Variants in TUBB6 observed in about 807,000 individuals in gnomAD.
TUBB6 encodes the protein tubulin beta-6 chain.
Under a neutral mutation model 32.3 loss-of-function variants are expected in TUBB6, and 18 were observed. That is an observed-to-expected ratio of 0.56 (90% confidence interval 0.39 to 0.83). The LOEUF is 0.83. TUBB6 is among the 40% of genes least tolerant of loss of function. The pLI is 0.00. For missense variants in TUBB6, 480 were observed against 632.0 expected (o/e 0.76, Z 2.58); for synonymous variants, 280 against 265.8 (o/e 1.05, Z -0.52).
chr18:12,321,477 G>A (rs993178968), intron 3 of TUBB6, among the ~76,000 whole-genome samples: 1 of 152,204 alleles, frequency 6.6e-6, no homozygotes, highest in Admixed American at 6.5e-5. Flanking sequence ...ATTAAAGATT[G>A]ACAAGTGAAA....
At chr18:12,323,740 G>A (rs913146810) in intron 3 of TUBB6, among the ~76,000 whole-genome samples, 7 of 152,002 alleles carry the variant, frequency 4.6e-5, no homozygotes, top group Non-Finnish European at 4.4e-5. Flanking sequence ...CCCGGGAGGC[G>A]GAGCTTGCAG....
rs1169571654 is a variant in TUBB6 at position 12,308,365 on chromosome 18, T to G, written c.57+16T>G. 7.0e-7 allele frequency: 1 copy of G among 1,423,040 alleles called. No homozygotes were observed. Among genetic ancestry groups the G allele is most frequent in the Non-Finnish European group, 9.2e-7 (1 of 1,085,934 alleles). 88.2% of individuals were successfully genotyped at this position (1,423,040 alleles called of 1,614,324 possible). A position where few individuals can be genotyped will look rare whatever the true frequency, so the allele number is the denominator to read the frequency against. ...CGGCACCAAGGTGGGCCTGGCGCGG[T>G]GCAGGGCCTCTCCGCGGGTCGGCTG... On this transcript the variant is annotated intron_variant, in intron 1 of 3. Transcript: ENST00000317702.
chr18:12,309,886 A>G (rs1906265704), intron 2 of TUBB6, among the ~76,000 whole-genome samples: 1 of 152,240 alleles, frequency 6.6e-6, no homozygotes, highest in African/African-American at 2.4e-5. Context: ...GCTCCGGGTA[A>G]CAAGGTTCTC....
chr18:12,319,686 G>A (rs1263889698), intron 3 of TUBB6, among the ~76,000 whole-genome samples: 5 of 152,120 alleles, frequency 3.3e-5, no homozygotes, highest in East Asian at 1.9e-4. Context: ...GGGCTCAGGC[G>A]TTCACACCTG....
intron 3 of TUBB6, among the ~76,000 whole-genome samples, chr18:12,319,388 T>A (rs12959674): frequency 0.79 from 119,893 of 151,826 alleles, 48,579 homozygotes; most frequent in Non-Finnish European, 0.88. Flanking sequence ...CAGGTGATCC[T>A]CCTGTCTCGG....
At position 12,325,057 on chromosome 18, in the gene TUBB6, T is replaced by C. The variant is rs1907200468; in HGVS notation, c.278-10T>C. ...CCTGTTTAAACGGCACGGGACTCTC[T>C]TTGTTGCAGGCCAGACGGGTGCAGG... On this transcript the variant is annotated splice_polypyrimidine_tract_variant and intron_variant, in intron 3 of 3. Coordinates refer to ENST00000317702, the MANE Select transcript of TUBB6 (RefSeq NM_032525.3). 1 of 1,557,764 alleles carries C rather than the reference T, an allele frequency of 6.4e-7. No individual in the cohort carries two copies. The highest frequency in any genetic ancestry group is 1.8e-5 in the Admixed American group (1 of 55,330).
chr18:12,308,385 C>A, intron 1 of TUBB6, 36 bp downstream of exon 1: 7 of 1,333,368 alleles, frequency 5.2e-6, no homozygotes, highest in Non-Finnish European at 5.8e-6. Flanking sequence ...CTCCGCGGGT[C>A]GGCTGCTGGC....
chr18:12,324,884 T>C, intron 3 of TUBB6, 183 bp from the exon 4 acceptor site: 1 of 1,413,566 alleles, frequency 7.1e-7, no homozygotes, highest in East Asian at 2.5e-5. Flanking sequence ...CTACTTTGAC[T>C]TGCCTAAAAA....
At chr18:12,322,537 TAG>T (rs1907044590) in intron 3 of TUBB6, among the ~76,000 whole-genome samples, 1 of 152,048 alleles carries the variant, frequency 6.6e-6, no homozygotes. Context: ...GTATTTTTAG[TAG>T]AGATGGGGTT....
intron 3 of TUBB6, among the ~76,000 whole-genome samples, chr18:12,313,531 A>T (rs1054501858): frequency 3.3e-5 from 5 of 152,252 alleles, no homozygotes; most frequent in African/African-American, 4.8e-5. Flanking sequence ...GAACAGATGA[A>T]TCACATTAAA....
chr18:12,310,447 C>T (rs1906308702), intron 2 of TUBB6, among the ~76,000 whole-genome samples: 2 of 147,896 alleles, frequency 1.4e-5, no homozygotes, highest in South Asian at 4.3e-4. Flanking sequence ...GCCGAGATCA[C>T]ACCACTGCAT....
intron 3 of TUBB6, among the ~76,000 whole-genome samples, chr18:12,313,146 T>C (rs1906484308): frequency 1.9e-5 from 1 of 53,506 alleles, no homozygotes; most frequent in Non-Finnish European, 6.8e-5. Flanking sequence ...CACTCCCTGG[T>C]GAAACAGAAG....
intron 3 of TUBB6, among the ~76,000 whole-genome samples, chr18:12,311,521 C>T (rs970455478): frequency 2.0e-5 from 3 of 152,042 alleles, no homozygotes; most frequent in Non-Finnish European, 2.9e-5. Context: ...CGCTGGAACC[C>T]GGGAGGTAGA....
downstream of TUBB6, chr18:12,329,679 C>A: frequency 1.2e-6 from 2 of 1,614,148 alleles, no homozygotes; most frequent in Non-Finnish European, 1.7e-6. Context: ...CAGTGCCTTC[C>A]ACAAATTCTT....
At chr18:12,313,802 T>G (rs1698569219) in intron 3 of TUBB6, among the ~76,000 whole-genome samples, 1 of 152,200 alleles carries the variant, frequency 6.6e-6, no homozygotes, top group Admixed American at 6.5e-5. Flanking sequence ...AGGAATCTGT[T>G]CTGCAGAAAT....
downstream of TUBB6, chr18:12,326,625 A>C (rs1907347979): frequency 6.2e-6 from 1 of 161,928 alleles, no homozygotes; most frequent in Admixed American, 5.7e-5. Flanking sequence ...TACAATGGCT[A>C]CTTGGGTCAC....
At chr18:12,308,614 G>T in intron 1 of TUBB6, 73 bp from the exon 2 acceptor site, 1 of 1,176,520 alleles carries the variant, frequency 8.5e-7, no homozygotes, top group Non-Finnish European at 1.2e-6. Flanking sequence ...CGGGGCGCCT[G>T]GGGTGGGCGC....
At chr18:12,329,072 T>C (rs992211515), downstream of TUBB6, 13 of 697,018 alleles carry the variant, frequency 1.9e-5, no homozygotes, top group Non-Finnish European at 3.1e-5. Context: ...CAGCAACAAG[T>C]GATCTGGATT....
upstream of TUBB6, chr18:12,308,151 C>T (rs1906089373): frequency 1.5e-5 from 5 of 343,182 alleles, no homozygotes; most frequent in South Asian, 1.1e-4. Flanking sequence ...CGAGCGGGGG[C>T]GGCGGGGCGG....
Sources: gnomAD v4.1 joint callset for allele counts (sites outside exome capture counted in the v4.1 genomes callset) on GRCh38, gnomAD v4.1.1 for gene constraint, MANE v1.5 for transcripts, NCBI Gene and HGNC (gene_info 2026-07-23, HGNC 2026-07-21) for gene names.